PRIM2: variants seen among roughly 807,000 people sequenced by gnomAD.
The protein encoded by PRIM2 is DNA primase subunit 2, also known as DNA primase large subunit.
PRIM2 carries 39 observed loss-of-function variants against 67.3 expected under a neutral mutation model. The observed-to-expected ratio is 0.58, with a 90% CI of 0.45 to 0.76. The LOEUF (loss-of-function observed/expected upper bound fraction) is 0.76. Among genes scored for constraint, PRIM2 ranks in the 30% least tolerant of loss-of-function variants. PRIM2 has a pLI of 0.00. For missense variants in PRIM2, 398 were observed against 598.7 expected (o/e 0.66, Z 3.50); for synonymous variants, 143 against 198.7 (o/e 0.72, Z 2.36).
chr6:57,519,487 T>G (rs1476784697), intron 8 of PRIM2, among the ~76,000 whole-genome samples: 1 of 152,212 alleles, frequency 6.6e-6, no homozygotes, highest in Non-Finnish European at 1.5e-5. Flanking sequence ...TCAGCGACAT[T>G]TCTTCCATTT....
the PRIM2 span, among the ~76,000 whole-genome samples, chr6:57,309,573 C>T: frequency 4.5e-3 from 680 of 152,186 alleles, 8 homozygotes; most frequent in African/African-American, 0.016. Context: ...CATTGTTGGA[C>T]ATTTGGGTTG....
intron 10 of PRIM2, among the ~76,000 whole-genome samples, chr6:57,582,409 A>G (rs1776105111): frequency 6.6e-6 from 1 of 152,258 alleles, no homozygotes; most frequent in Non-Finnish European, 1.5e-5. Flanking sequence ...CTTGATAATT[A>G]TAGGAAGTTG....
chr6:57,237,608 G>A, the PRIM2 span, among the ~76,000 whole-genome samples: 2 of 152,046 alleles, frequency 1.3e-5, no homozygotes, highest in African/African-American at 4.8e-5. Context: ...TGTAAGGAAG[G>A]GATCCAGTTT....
chr6:57,246,497 G>A, the PRIM2 span, among the ~76,000 whole-genome samples: 3 of 152,170 alleles, frequency 2.0e-5, no homozygotes, highest in Admixed American at 1.3e-4. Flanking sequence ...ATCGGTGATG[G>A]GGGAGGAGCA....
At chr6:57,266,573 C>T in the PRIM2 span, among the ~76,000 whole-genome samples, 2 of 152,146 alleles carry the variant, frequency 1.3e-5, no homozygotes, top group African/African-American at 4.8e-5. Context: ...TTCATTTAAC[C>T]ATGTGGATAA....
intron 7 of PRIM2, among the ~76,000 whole-genome samples, chr6:57,492,773 A>G (rs1773926760): frequency 6.6e-6 from 1 of 152,144 alleles, no homozygotes; most frequent in South Asian, 2.1e-4. Context: ...ACATGTGGCT[A>G]GTAGCTACTG....
intron 5 of PRIM2, among the ~76,000 whole-genome samples, chr6:57,363,933 G>C (rs1343208121): frequency 6.6e-6 from 1 of 152,024 alleles, no homozygotes; most frequent in Non-Finnish European, 1.5e-5. Context: ...TCCTCAGGTT[G>C]TGTCTTCCTT....
chr6:57,643,459 A>C (rs1467998104), intron 13 of PRIM2, among the ~76,000 whole-genome samples: 7 of 152,208 alleles, frequency 4.6e-5, no homozygotes, highest in Middle Eastern at 3.2e-3. Context: ...TAAACCATCT[A>C]TTCTCCTTAG....
chr6:57,375,038 C>G (rs1581840931), intron 5 of PRIM2, among the ~76,000 whole-genome samples: 1 of 152,254 alleles, frequency 6.6e-6, no homozygotes, highest in Non-Finnish European at 1.5e-5. Context: ...TTTCTCTCCT[C>G]CTATTTGAAT....
chr6:57,416,537 T>C (rs1771268428), intron 7 of PRIM2, among the ~76,000 whole-genome samples: 1 of 152,186 alleles, frequency 6.6e-6, no homozygotes, highest in Admixed American at 6.5e-5. Flanking sequence ...GCCTGTCCTT[T>C]GAAGCTTTGA....
rs1345872976 is a variant in PRIM2 at position 57,600,393 on chromosome 6, A to G, written c.1021-700A>G. On this transcript the variant is annotated intron_variant, in intron 10 of 13. Coordinates refer to ENST00000615550, the MANE Select transcript of PRIM2 (RefSeq NM_000947.5). Reference sequence around the variant, plus strand: ...TTATATTTTGAGACTGGGTCTCACTATGTTGCCCAGGCTGAAGTACAGTGG... The same window carrying G: ...TTATATTTTGAGACTGGGTCTCACTGTGTTGCCCAGGCTGAAGTACAGTGG... 3.3e-5 allele frequency among the ~76,000 whole-genome samples: 5 copies of G among 151,758 alleles called. 1 individual carries two copies. Among genetic ancestry groups the G allele is most frequent in the African/African-American group, 9.7e-5 (4 of 41,326 alleles).
At chr6:57,519,379 G>C (rs1554348634) in intron 8 of PRIM2, among the ~76,000 whole-genome samples, 3 of 152,152 alleles carry the variant, frequency 2.0e-5, no homozygotes, top group South Asian at 2.1e-4. Context: ...CTGCAGTCTC[G>C]ACCATAAGAG....
chr6:57,343,900 C>T (rs1768584181), intron 5 of PRIM2, among the ~76,000 whole-genome samples: 1 of 151,962 alleles, frequency 6.6e-6, no homozygotes, highest in Non-Finnish European at 1.5e-5. Flanking sequence ...GAGCAGGGGT[C>T]AGGGTGGATG....
the PRIM2 span, among the ~76,000 whole-genome samples, chr6:57,298,342 C>T: frequency 2.0e-5 from 3 of 152,110 alleles, no homozygotes; most frequent in African/African-American, 7.2e-5. Flanking sequence ...TCCTGGACCA[C>T]AGGGTGAGAC....
chr6:57,296,430 A>G, the PRIM2 span, among the ~76,000 whole-genome samples: 1 of 33,936 alleles, frequency 2.9e-5, no homozygotes, highest in African/African-American at 3.6e-4. Flanking sequence ...CTGTTGGAGA[A>G]AAAAAGTCAA....
chr6:57,416,155 T>C (rs1181662378), intron 7 of PRIM2, among the ~76,000 whole-genome samples: 1 of 152,170 alleles, frequency 6.6e-6, no homozygotes, highest in Non-Finnish European at 1.5e-5. Flanking sequence ...TCTTAAATAA[T>C]AAGATGTGAA....
chr6:57,613,487 C>T (rs1293495726), intron 12 of PRIM2, among the ~76,000 whole-genome samples: 2,099 of 152,262 alleles, frequency 0.014, 44 homozygotes, highest in African/African-American at 0.048. Context: ...TAGATGACTG[C>T]AAGGTCTTTG....
At chr6:57,398,788 T>C (rs1380101960) in intron 7 of PRIM2, among the ~76,000 whole-genome samples, 1 of 152,140 alleles carries the variant, frequency 6.6e-6, no homozygotes, top group African/African-American at 2.4e-5. Context: ...CTATGTCTCT[T>C]TGTAGGTCTC....
intron 5 of PRIM2, among the ~76,000 whole-genome samples, chr6:57,330,957 C>T (rs764504019): frequency 9.2e-5 from 14 of 151,618 alleles, no homozygotes; most frequent in South Asian, 2.1e-4. Context: ...CCGAGGTGGG[C>T]GGATCACAAG....
Sources: gnomAD v4.1 joint callset for allele counts (sites outside exome capture counted in the v4.1 genomes callset) on GRCh38, gnomAD v4.1.1 for gene constraint, MANE v1.5 for transcripts, NCBI Gene and HGNC (gene_info 2026-07-23, HGNC 2026-07-21) for gene names.